NELL1: variants seen among roughly 807,000 people sequenced by gnomAD.
NELL1 encodes the protein protein kinase C-binding protein NELL1.
Under a neutral mutation model 107.4 loss-of-function variants are expected in NELL1, and 76 were observed. That is an observed-to-expected ratio of 0.71 (90% CI 0.59 to 0.86). NELL1 has a LOEUF of 0.86. Among genes scored for constraint, NELL1 ranks in the 40% least tolerant of loss-of-function variants. The pLI is 0.00. For synonymous variants in NELL1, 353 were observed against 341.2 expected (o/e 1.03, Z -0.38); for missense variants, 1,024 against 1,005.5 (o/e 1.02, Z -0.25).
At chr11:20,886,295 T>G (rs893750884) in intron 5 of NELL1, among the ~76,000 whole-genome samples, 4 of 152,018 alleles carry the variant, frequency 2.6e-5, no homozygotes, top group African/African-American at 9.7e-5. Flanking sequence ...CACAGAAACA[T>G]AAGGATACAG....
intron 12 of NELL1, among the ~76,000 whole-genome samples, chr11:21,017,397 A>G (rs1039195421): frequency 2.0e-5 from 3 of 152,098 alleles, no homozygotes; most frequent in African/African-American, 7.2e-5. Flanking sequence ...GTTGCTGCCT[A>G]CAGCCTAGGA....
Position 21,176,301 on chromosome 11 carries a change from C to G in NELL1, c.1427-53031C>G, listed in dbSNP as rs182105350. 4.9e-4 allele frequency among the ~76,000 whole-genome samples: 74 copies of G among 151,818 alleles called. 6 individuals are homozygous for G. Among genetic ancestry groups the G allele is most frequent in the African/African-American group, 1.8e-3 (73 of 41,106 alleles). On this transcript the variant is annotated intron_variant, in intron 13 of 19. Coordinates refer to ENST00000357134, the MANE Select transcript of NELL1 (RefSeq NM_006157.5). The stretch of plus-strand genomic sequence containing the variant: ...CACCTTAGTGAAGTAAAATTTGTCT[C>G]TCCAATGAAGAGAGCTGAAATTGTT...
At chr11:21,047,812 A>G (rs1199776528) in intron 12 of NELL1, among the ~76,000 whole-genome samples, 1 of 152,162 alleles carries the variant, frequency 6.6e-6, no homozygotes, top group East Asian at 1.9e-4. Context: ...TGTTTCGTGA[A>G]CCAGCTAACA....
At chr11:20,678,868 A>C (rs867151021) in intron 2 of NELL1, among the ~76,000 whole-genome samples, 1 of 152,302 alleles carries the variant, frequency 6.6e-6, no homozygotes, top group Non-Finnish European at 1.5e-5. Context: ...TTTAATATGA[A>C]TTTTGGTGGG....
intron 13 of NELL1, among the ~76,000 whole-genome samples, chr11:21,209,548 GT>G (rs1398552508): frequency 6.6e-6 from 1 of 151,804 alleles, no homozygotes; most frequent in Admixed American, 6.6e-5. Context: ...GAGAACAAAT[GT>G]GTTAACTTAT....
At chr11:20,795,388 T>C (rs1051774144) in intron 3 of NELL1, among the ~76,000 whole-genome samples, 1 of 152,244 alleles carries the variant, frequency 6.6e-6, no homozygotes. Context: ...CCAATGTATA[T>C]TTCTAATGTG....
At chr11:21,558,928 A>C (rs1382516311) in intron 16 of NELL1, among the ~76,000 whole-genome samples, 1 of 152,042 alleles carries the variant, frequency 6.6e-6, no homozygotes, top group Admixed American at 6.6e-5. Context: ...TGAGAATGGG[A>C]TGGGCATGAC....
chr11:21,229,583 T>A, intron 14 of NELL1, 129 bp downstream of exon 14: 1 of 1,270,962 alleles, frequency 7.9e-7, no homozygotes, highest in Non-Finnish European at 1.1e-6. Context: ...GTTTATCAAC[T>A]GGCAAGGGTA....
At chr11:21,026,522 A>G (rs1054454575) in intron 12 of NELL1, among the ~76,000 whole-genome samples, 3 of 152,078 alleles carry the variant, frequency 2.0e-5, no homozygotes, top group African/African-American at 7.2e-5. Flanking sequence ...CTCCACAGCA[A>G]TCATCACTGT....
At chr11:21,062,094 C>T (rs1011804636) in intron 12 of NELL1, among the ~76,000 whole-genome samples, 1 of 152,136 alleles carries the variant, frequency 6.6e-6, no homozygotes, top group African/African-American at 2.4e-5. Context: ...TGGCCACTTA[C>T]CACTGTGGTT....
At chr11:21,440,909 C>A (rs553173163) in intron 15 of NELL1, among the ~76,000 whole-genome samples, 1 of 152,014 alleles carries the variant, frequency 6.6e-6, no homozygotes, top group Non-Finnish European at 1.5e-5. Flanking sequence ...GCTTATAGAC[C>A]AGAATTATAT....
intron 14 of NELL1, among the ~76,000 whole-genome samples, chr11:21,325,813 C>A (rs1850119245): frequency 6.6e-6 from 1 of 151,972 alleles, no homozygotes; most frequent in Non-Finnish European, 1.5e-5. Flanking sequence ...CAGCCACAGG[C>A]AACAACTGAT....
chr11:20,995,551 C>T (rs546908797), intron 12 of NELL1, among the ~76,000 whole-genome samples: 1 of 152,020 alleles, frequency 6.6e-6, no homozygotes, highest in East Asian at 1.9e-4. Flanking sequence ...GCACTCCAGC[C>T]TGAGCAGCAG....
intron 2 of NELL1, chr11:20,773,567 G>A (rs1456939140): frequency 6.6e-6 from 1 of 151,344 alleles, no homozygotes; most frequent in Admixed American, 6.6e-5. Context: ...GCGCCACCTT[G>A]GCTTATTACA....
intron 3 of NELL1, among the ~76,000 whole-genome samples, chr11:20,790,580 G>T (rs549508737): frequency 6.6e-6 from 1 of 152,292 alleles, no homozygotes; most frequent in African/African-American, 2.4e-5. Flanking sequence ...TTGCCTGCTT[G>T]GTGAAACAGG....
At chr11:21,520,043 A>T (rs989788134) in intron 15 of NELL1, among the ~76,000 whole-genome samples, 5 of 152,206 alleles carry the variant, frequency 3.3e-5, no homozygotes, top group African/African-American at 1.2e-4. Context: ...ATAGGAGAAG[A>T]GAGATATGGA....
intron 3 of NELL1, among the ~76,000 whole-genome samples, chr11:20,819,330 C>T (rs1489687916): frequency 6.6e-6 from 1 of 152,188 alleles, no homozygotes; most frequent in Non-Finnish European, 1.5e-5. Context: ...AGAGGAAAGG[C>T]TTGGTGGCGT....
intron 14 of NELL1, among the ~76,000 whole-genome samples, chr11:21,263,295 C>T (rs1206896500): frequency 1.3e-5 from 2 of 151,910 alleles, no homozygotes; most frequent in Non-Finnish European, 2.9e-5. Context: ...TGCAATAAAA[C>T]ACTAATCGAA....
chr11:20,986,872 C>T (rs11025863), intron 12 of NELL1, among the ~76,000 whole-genome samples: 18,703 of 152,086 alleles, frequency 0.12, 1,574 homozygotes, highest in East Asian at 0.25. Flanking sequence ...CGCTCCCCTA[C>T]GTCAATTTTA....
Sources: allele counts gnomAD v4.1 joint callset (sites outside exome capture counted in the v4.1 genomes callset), GRCh38; gene constraint gnomAD v4.1.1; transcripts MANE v1.5; gene names NCBI Gene and HGNC (gene_info 2026-07-23, HGNC 2026-07-21).